The following ERC2 variants were observed in gnomAD, a reference collection of about 807,000 sequenced individuals.
The protein encoded by ERC2 is ELKS/RAB6-interacting/CAST family member 2.
Under a neutral mutation model 114.8 loss-of-function variants are expected in ERC2, and 42 were observed. That is an observed-to-expected ratio of 0.37 (90% CI 0.29 to 0.47). ERC2 has a LOEUF of 0.47. Ranked by LOEUF, ERC2 falls within the 20% of genes least tolerant of loss-of-function variation. The probability of loss-of-function intolerance (pLI) is 0.99; values close to 1 mark genes in which losing one functional copy is unlikely to be tolerated. For synonymous variants in ERC2, 454 were observed against 425.5 expected (o/e 1.07, Z -0.82); for missense variants, 939 against 1,150.7 (o/e 0.82, Z 2.66).
intron 7 of ERC2, among the ~76,000 whole-genome samples, chr3:56,063,361 T>G (rs903255141): frequency 6.6e-6 from 1 of 152,220 alleles, no homozygotes; most frequent in Non-Finnish European, 1.5e-5. Context: ...TCACTATTAG[T>G]AAAGTTAAAA....
chr3:55,719,338 T>G (rs1318765076), intron 15 of ERC2, among the ~76,000 whole-genome samples: 1 of 152,158 alleles, frequency 6.6e-6, no homozygotes, highest in Non-Finnish European at 1.5e-5. Flanking sequence ...CAGAATGTGA[T>G]AACTAAGTCT....
chr3:55,917,837 A>G (rs1178226683), intron 13 of ERC2, among the ~76,000 whole-genome samples: 1 of 152,184 alleles, frequency 6.6e-6, no homozygotes, highest in Non-Finnish European at 1.5e-5. Flanking sequence ...TGCTTTGTGG[A>G]TACCAGTTAT....
At chr3:56,051,274 C>A (rs181992492) in intron 7 of ERC2, among the ~76,000 whole-genome samples, 7 of 148,558 alleles carry the variant, frequency 4.7e-5, no homozygotes, top group African/African-American at 1.7e-4. Flanking sequence ...AAACATTTAC[C>A]AGCAGATTAA....
chr3:55,996,298 G>C (rs1232052443), intron 10 of ERC2, among the ~76,000 whole-genome samples: 2 of 152,296 alleles, frequency 1.3e-5, no homozygotes, highest in South Asian at 2.1e-4. Flanking sequence ...ATTGGTGTGA[G>C]TTTTCTTTTG....
At chr3:55,532,235 A>G (rs1013923168) in intron 17 of ERC2, among the ~76,000 whole-genome samples, 1 of 152,216 alleles carries the variant, frequency 6.6e-6, no homozygotes, top group Non-Finnish European at 1.5e-5. Context: ...CAGCTTTAAC[A>G]TGAACACAGA....
chr3:56,070,742 T>A (rs1423500211), intron 7 of ERC2, among the ~76,000 whole-genome samples: 1 of 152,200 alleles, frequency 6.6e-6, no homozygotes, highest in Non-Finnish European at 1.5e-5. Context: ...TATATTTGAT[T>A]GCTAGAAGAC....
chr3:55,703,474 C>T (rs2063330025), intron 15 of ERC2, among the ~76,000 whole-genome samples: 1 of 152,256 alleles, frequency 6.6e-6, no homozygotes, highest in South Asian at 2.1e-4. Flanking sequence ...CTGCTTTCAG[C>T]AGAATCCTGT....
intron 17 of ERC2, among the ~76,000 whole-genome samples, chr3:55,558,908 T>A (rs2055812636): frequency 6.6e-6 from 1 of 152,238 alleles, no homozygotes; most frequent in African/African-American, 2.4e-5. Flanking sequence ...AGGGCTCAGA[T>A]GCAGATGACC....
chr3:55,727,888 ACT>A (rs1342107998), intron 15 of ERC2, among the ~76,000 whole-genome samples: 1 of 152,154 alleles, frequency 6.6e-6, no homozygotes, highest in Non-Finnish European at 1.5e-5. Flanking sequence ...GGAGAAAGTC[ACT>A]CTGTAAAAGT....
chr3:56,220,331 G>A (rs1402863324), intron 3 of ERC2, among the ~76,000 whole-genome samples: 1 of 152,138 alleles, frequency 6.6e-6, no homozygotes, highest in Non-Finnish European at 1.5e-5. Flanking sequence ...AAAAAAACAG[G>A]TTACACAGAA....
At chr3:56,436,373 A>C (rs1289907832) in intron 1 of ERC2, among the ~76,000 whole-genome samples, 1 of 152,226 alleles carries the variant, frequency 6.6e-6, no homozygotes, top group Non-Finnish European at 1.5e-5. Flanking sequence ...CTAGTACCAA[A>C]TAGTCAATAA....
At chr3:55,935,705 G>A (rs1218416410) in intron 13 of ERC2, among the ~76,000 whole-genome samples, 2 of 152,308 alleles carry the variant, frequency 1.3e-5, no homozygotes, top group East Asian at 1.9e-4. Flanking sequence ...TGTGCATACA[G>A]GGTGCCTGCC....
At chr3:56,413,014 A>C (rs1430371953) in intron 2 of ERC2, among the ~76,000 whole-genome samples, 3 of 152,228 alleles carry the variant, frequency 2.0e-5, no homozygotes, top group African/African-American at 7.2e-5. Context: ...TATCACCCTC[A>C]ACTTACACCT....
At chr3:55,882,639 G>A (rs2063166842) in intron 14 of ERC2, among the ~76,000 whole-genome samples, 3 of 152,162 alleles carry the variant, frequency 2.0e-5, no homozygotes, top group South Asian at 2.1e-4. Flanking sequence ...ATTGTATTAG[G>A]TATAAGAAGG....
chr3:55,522,693 A>G (rs549550096), intron 17 of ERC2, among the ~76,000 whole-genome samples: 1 of 152,308 alleles, frequency 6.6e-6, no homozygotes, highest in African/African-American at 2.4e-5. Flanking sequence ...GTAGGTCTGC[A>G]TGAAGCACAA....
At chr3:56,059,552 G>A (rs778028573) in intron 7 of ERC2, among the ~76,000 whole-genome samples, 2 of 152,098 alleles carry the variant, frequency 1.3e-5, no homozygotes, top group Non-Finnish European at 2.9e-5. Context: ...GTGTCTTTGG[G>A]CTCAAAGATT....
chr3:56,160,559 T>A (rs950829296), intron 4 of ERC2, among the ~76,000 whole-genome samples: 1 of 152,194 alleles, frequency 6.6e-6, no homozygotes, highest in South Asian at 2.1e-4. Context: ...ACAAGGCCAA[T>A]GTCCAGCATG....
chr3:56,347,483 T>G (rs182099039), intron 2 of ERC2, among the ~76,000 whole-genome samples: 4 of 152,090 alleles, frequency 2.6e-5, no homozygotes, highest in Admixed American at 6.6e-5. Context: ...CCTGTGAGCG[T>G]GACCCAGCCA....
chr3:55,526,026 A>G (rs1028439701), intron 17 of ERC2, among the ~76,000 whole-genome samples: 3 of 152,224 alleles, frequency 2.0e-5, no homozygotes, highest in African/African-American at 7.2e-5. Flanking sequence ...CCTTAATCCA[A>G]TGACTGGTGT....
Sources: allele counts gnomAD v4.1 joint callset (sites outside exome capture counted in the v4.1 genomes callset), GRCh38; gene constraint gnomAD v4.1.1; transcripts MANE v1.5; gene names NCBI Gene and HGNC (gene_info 2026-07-23, HGNC 2026-07-21).